Variants in ASTN2 observed in about 807,000 individuals in gnomAD.
ASTN2 encodes astrotactin 2, also known as astrotactin-2.
A neutral mutation model predicts 139.8 loss-of-function variants in ASTN2; 54 were observed. That is an observed-to-expected ratio of 0.39 (90% CI 0.31 to 0.48). The LOEUF is 0.48. Among genes scored for constraint, ASTN2 ranks in the 20% least tolerant of loss-of-function variants. The pLI is 0.95. For missense variants in ASTN2, 1,565 were observed against 1,725.1 expected, an observed-to-expected ratio of 0.91 and a Z score of 1.64; for synonymous variants, 756 against 719.5, an observed-to-expected ratio of 1.05 and a Z score of -0.81.
At chr9:116,544,089 C>T (rs1398753549) in intron 19 of ASTN2, among the ~76,000 whole-genome samples, 3 of 152,148 alleles carry the variant, frequency 2.0e-5, no homozygotes, top group Admixed American at 6.6e-5. Flanking sequence ...ACTGCCAAAA[C>T]GACCTTCTCT....
intron 19 of ASTN2, among the ~76,000 whole-genome samples, chr9:116,608,212 G>A (rs1420199321): frequency 6.6e-6 from 1 of 152,146 alleles, no homozygotes; most frequent in African/African-American, 2.4e-5. Context: ...GGAGAGGAGA[G>A]AGCTGCATAG....
In ASTN2 at chr9:117,193,652, A is replaced by AAG. The variant is rs1554789075; in HGVS notation, c.1015+20705_1015+20706insCT. 2.2e-4 allele frequency among the ~76,000 whole-genome samples: 33 copies of AAG among 151,674 alleles called. 1 individual carries two copies. The highest frequency in any genetic ancestry group is 2.7e-4 in the African/African-American group (11 of 41,354). On this transcript the variant is annotated intron_variant, in intron 3 of 22. Coordinates refer to ENST00000313400, the MANE Select transcript of ASTN2 (RefSeq NM_001365068.1). ...AGATTCAGTCACCAAAAAAAAAAAA[A>AAG]AAAAGAAAAAGAAAAGAAAATCATT... is the stretch of plus-strand genomic sequence containing the variant.
intron 6 of ASTN2, among the ~76,000 whole-genome samples, chr9:117,021,010 C>T (rs1242968245): frequency 6.6e-6 from 1 of 152,116 alleles, no homozygotes. Flanking sequence ...TGGGCTTAAG[C>T]AACTGTCCCA....
chr9:117,393,623 T>A (rs1208079978), intron 1 of ASTN2, among the ~76,000 whole-genome samples: 2 of 152,152 alleles, frequency 1.3e-5, no homozygotes, highest in Non-Finnish European at 2.9e-5. Context: ...CACTCATAAA[T>A]CTTCCATAAA....
At chr9:116,799,801 C>T (rs1213150909) in intron 13 of ASTN2, among the ~76,000 whole-genome samples, 1 of 151,972 alleles carries the variant, frequency 6.6e-6, no homozygotes, top group Non-Finnish European at 1.5e-5. Context: ...AATTCCCACA[C>T]TGATCAAGAG....
chr9:116,779,889 A>T (rs1270861047), intron 13 of ASTN2, among the ~76,000 whole-genome samples: 2 of 152,104 alleles, frequency 1.3e-5, no homozygotes, highest in African/African-American at 4.8e-5. Flanking sequence ...TTCACCACTC[A>T]TTAATCACTT....
At chr9:116,738,193 A>G (rs1828994847) in intron 13 of ASTN2, among the ~76,000 whole-genome samples, 2 of 146,506 alleles carry the variant, frequency 1.4e-5, no homozygotes, top group Non-Finnish European at 3.0e-5. Flanking sequence ...CTCCGTCTCA[A>G]AAAAAAAAAA....
intron 1 of ASTN2, among the ~76,000 whole-genome samples, chr9:117,370,230 C>A (rs1433954838): frequency 5.9e-5 from 9 of 152,120 alleles, no homozygotes; most frequent in Non-Finnish European, 1.3e-4. Flanking sequence ...ATTAACAACA[C>A]TCAACGAAAA....
At chr9:117,055,513 C>T (rs1020565254) in intron 5 of ASTN2, among the ~76,000 whole-genome samples, 1 of 151,212 alleles carries the variant, frequency 6.6e-6, no homozygotes, top group Non-Finnish European at 1.5e-5. Context: ...GATCTGAAGA[C>T]CTATGAAGGA....
Position 116,789,646 on chromosome 9 carries a change from C to T in ASTN2, c.2396+15986G>A, listed in dbSNP as rs551712012. Among the ~76,000 whole-genome samples the T allele has an allele frequency of 1.7e-3, 252 of 152,326 alleles. 3 individuals carry two copies. The highest frequency in any genetic ancestry group is 5.9e-3 in the African/African-American group (245 of 41,578). On this transcript the variant is annotated intron_variant, in intron 13 of 22. Transcript: ENST00000313400. The stretch of plus-strand genomic sequence containing the variant: ...TTCAGGGCATCTCTTTGAAATAAAA[C>T]TATTTCCTTAAAAGTTAATTTTCTT...
intron 4 of ASTN2, among the ~76,000 whole-genome samples, chr9:117,112,573 C>A (rs1234582986): frequency 6.6e-6 from 1 of 151,994 alleles, no homozygotes. Flanking sequence ...AAGGAATGAA[C>A]AAAAGCCCAT....
At chr9:117,264,113 T>C (rs953088040) in intron 2 of ASTN2, among the ~76,000 whole-genome samples, 2 of 152,186 alleles carry the variant, frequency 1.3e-5, no homozygotes, top group Non-Finnish European at 2.9e-5. Context: ...TACAGTTTAT[T>C]TATGGTATCC....
At chr9:117,375,427 A>G (rs1587992424) in intron 1 of ASTN2, among the ~76,000 whole-genome samples, 1 of 152,302 alleles carries the variant, frequency 6.6e-6, no homozygotes, top group South Asian at 2.1e-4. Context: ...TCCACAACCA[A>G]TGTCTGTACC....
intron 19 of ASTN2, chr9:116,612,288 C>T (rs1476259909): frequency 6.6e-6 from 1 of 152,080 alleles, no homozygotes; most frequent in African/African-American, 2.4e-5. Context: ...CTTTAACACC[C>T]CACTGTCAAC....
intron 10 of ASTN2, among the ~76,000 whole-genome samples, chr9:116,966,284 C>A (rs915722414): frequency 6.6e-6 from 1 of 152,146 alleles, no homozygotes; most frequent in Non-Finnish European, 1.5e-5. Flanking sequence ...TTTAGCATTT[C>A]CTGCATGTAA....
intron 11 of ASTN2, among the ~76,000 whole-genome samples, chr9:116,834,691 G>T (rs115322356): frequency 0.017 from 2,514 of 152,300 alleles, 80 homozygotes; most frequent in African/African-American, 0.057. Flanking sequence ...CTTGCAGACA[G>T]TATATAATTA....
At chr9:116,666,949 C>CTTTTTT (rs34835904) in intron 16 of ASTN2, among the ~76,000 whole-genome samples, 8 of 70,378 alleles carry the variant, frequency 1.1e-4, no homozygotes, top group Non-Finnish European at 1.5e-4. Flanking sequence ...TTTATTTATT[C>CTTTTTT]TTTTTTTTTT....
intron 19 of ASTN2, among the ~76,000 whole-genome samples, chr9:116,536,061 A>G (rs1032095769): frequency 2.6e-5 from 4 of 151,768 alleles, no homozygotes; most frequent in Non-Finnish European, 4.4e-5. Context: ...GTTTCTTTTT[A>G]TTCTCTTTTC....
chr9:117,302,934 C>T (rs1213159369), intron 1 of ASTN2, among the ~76,000 whole-genome samples: 1 of 152,174 alleles, frequency 6.6e-6, no homozygotes, highest in African/African-American at 2.4e-5. Flanking sequence ...CCCCAAGCAA[C>T]ATTCTTACCT....
Sources: gnomAD v4.1 joint callset for allele counts (sites outside exome capture counted in the v4.1 genomes callset) on GRCh38, gnomAD v4.1.1 for gene constraint, MANE v1.5 for transcripts, NCBI Gene and HGNC (gene_info 2026-07-23, HGNC 2026-07-21) for gene names.